Variants in CREB3L3 observed in about 807,000 individuals in gnomAD.
CREB3L3 encodes cyclic AMP-responsive element-binding protein 3-like protein 3.
A neutral mutation model predicts 44.6 loss-of-function variants in CREB3L3; 40 were observed. The observed-to-expected ratio is 0.90, with a 90% CI of 0.70 to 1.17. The LOEUF (loss-of-function observed/expected upper bound fraction) is 1.17, where lower values mean the gene tolerates loss of function less well. Among genes scored for constraint, CREB3L3 ranks in the 50% most tolerant of loss-of-function variants. The pLI, the probability that CREB3L3 is intolerant of heterozygous loss-of-function variation, is 0.00. For synonymous variants in CREB3L3, 273 were observed against 256.3 expected (o/e 1.06, Z -0.62); for missense variants, 578 against 595.8 (o/e 0.97, Z 0.31).
intron 5 of CREB3L3, among the ~76,000 whole-genome samples, chr19:4,167,441 G>A (rs866124101): frequency 2.7e-5 from 3 of 109,900 alleles, no homozygotes; most frequent in Admixed American, 9.9e-5. Flanking sequence ...AGAAAGGAAA[G>A]AAAGAAAGGA....
chr19:4,169,509 G>A (rs1966995536), intron 6 of CREB3L3, among the ~76,000 whole-genome samples: 1 of 150,682 alleles, frequency 6.6e-6, no homozygotes, highest in Admixed American at 6.6e-5. Flanking sequence ...AAAGAAACTT[G>A]AGTCTCCCAG....
Position 4,171,558 on chromosome 19 carries a change from A to G in CREB3L3, c.1072+79A>G. The G allele has an allele frequency of 6.3e-7, 1 of 1,594,064 alleles. No individual in the cohort carries two copies. The highest frequency in any genetic ancestry group is 1.1e-5 in the South Asian group (1 of 90,618). ...TGGGCCTCTGGGGGAGGGGGAGAAGACCCCTGTGCCCTTGTTCCCTGAGGC... is the reference window on the plus strand; with the variant it reads ...TGGGCCTCTGGGGGAGGGGGAGAAGGCCCCTGTGCCCTTGTTCCCTGAGGC... On this transcript the variant is annotated intron_variant, in intron 9 of 9. Coordinates refer to ENST00000078445, the MANE Select transcript of CREB3L3 (RefSeq NM_032607.3). The surrounding 1 kb of genome is among the most constrained non-coding windows in gnomAD (Gnocchi z 4.9).
intron 6 of CREB3L3, 140 bp from the exon 7 acceptor site, chr19:4,170,000 C>T: frequency 3.7e-6 from 3 of 813,072 alleles, no homozygotes; most frequent in East Asian, 5.1e-5. Flanking sequence ...TCTGACCTGC[C>T]GAGTAACCTT....
At chr19:4,166,241 A>G (rs1966902436) in intron 5 of CREB3L3, among the ~76,000 whole-genome samples, 1 of 151,140 alleles carries the variant, frequency 6.6e-6, no homozygotes, top group South Asian at 2.1e-4. Flanking sequence ...GGTGTATGCC[A>G]TTATGCCTAG....
rs140601919 is a variant in CREB3L3 at position 4,171,780 on chromosome 19, C to G, written c.1197C>G (p.Pro399=). ...DTTREESPGS[P]GADWGFQDTA... ...CCCGAGAAGAGTCTCCAGGAAGCCC[C>G]GGGGCAGACTGGGGCTTCCAGGACA... The change falls in exon 10 of 10, where the codon CCC becomes CCG. Residue 399 remains proline (P), a synonymous_variant. Coordinates refer to ENST00000078445, the MANE Select transcript of CREB3L3 (RefSeq NM_032607.3). This position sits in a 1 kb window ranked among gnomAD's most constrained non-coding sequence, Gnocchi z 4.9. 1.2e-6 allele frequency: 2 copies of G among 1,613,472 alleles called. No homozygotes were observed. The highest frequency in any genetic ancestry group is 2.2e-5 in the South Asian group (2 of 91,082).
Position 4,171,724 on chromosome 19 carries a change from G to T in CREB3L3, c.1141G>T (p.Ala381Ser), listed in dbSNP as rs1254900585. Residue 381 changes from alanine to serine, a missense_variant, in exon 10 of 10, where the codon GCC becomes TCC. Physicochemically the swap from Ala to Ser is moderately conservative, Grantham distance 99. Coordinates refer to ENST00000078445, the MANE Select transcript of CREB3L3 (RefSeq NM_032607.3). The surrounding 1 kb of genome is among the most constrained non-coding windows in gnomAD (Gnocchi z 4.9). ...VAADAVPGSE[A>S]PGPRPEADTT... ...TGCTGATGCTGTGCCAGGCTCCGAGGCCCCAGGACCCCGACCCGAGGCTGA... is the reference window on the plus strand; with the variant it reads ...TGCTGATGCTGTGCCAGGCTCCGAGTCCCCAGGACCCCGACCCGAGGCTGA... 2 of 1,613,270 alleles carry T rather than the reference G, an allele frequency of 1.2e-6. No individual in the cohort carries two copies. Among genetic ancestry groups the T allele is most frequent in the East Asian group, 2.2e-5 (1 of 44,874 alleles).
At chr19:4,166,646 T>C (rs1291058817) in intron 5 of CREB3L3, among the ~76,000 whole-genome samples, 1 of 151,810 alleles carries the variant, frequency 6.6e-6, no homozygotes, top group East Asian at 1.9e-4. Context: ...TCCTCTGACC[T>C]TGGCCTCCCA....
chr19:4,170,629 G>A (rs1450368463), intron 7 of CREB3L3, among the ~76,000 whole-genome samples: 1 of 149,628 alleles, frequency 6.7e-6, no homozygotes, highest in Non-Finnish European at 1.5e-5. Flanking sequence ...AATAAATAAG[G>A]CCTGGTGTGG....
At position 4,168,378 on chromosome 19, in the gene CREB3L3, C is replaced by T. The variant is rs534584711; in HGVS notation, c.742C>T (p.Arg248Cys). ...CGAGGAGCGAGTGCTGAAAAAAATC[C>T]GCCGGAAAATCCGGAACAAGCAGTC... is the stretch of plus-strand genomic sequence containing the variant. Reference protein sequence around the residue: ...KYEERVLKKIRRKIRNKQSAQ... With the variant: ...KYEERVLKKICRKIRNKQSAQ... Residue 248 changes from arginine to cysteine, a missense_variant, in exon 6 of 10, where the codon CGC (arginine) becomes TGC (cysteine). Arg to Cys is a radical substitution (Grantham distance 180, BLOSUM62 -3). Coordinates refer to ENST00000078445, the MANE Select transcript of CREB3L3 (RefSeq NM_032607.3). 51 of 1,610,932 alleles carry T rather than the reference C, an allele frequency of 3.2e-5. No homozygotes were observed. Among genetic ancestry groups the T allele is most frequent in the Admixed American group, 1.8e-4 (11 of 59,856 alleles).
intron 5 of CREB3L3, among the ~76,000 whole-genome samples, chr19:4,167,016 G>A (rs1169034588): frequency 6.6e-6 from 1 of 152,104 alleles, no homozygotes; most frequent in Admixed American, 6.6e-5. Flanking sequence ...ACAGCACTGT[G>A]AACCACCGCG....
intron 6 of CREB3L3, among the ~76,000 whole-genome samples, 187 bp from the exon 7 acceptor site, chr19:4,169,945 TGGGACCTA>T (rs998054002): frequency 2.0e-5 from 3 of 152,066 alleles, no homozygotes; most frequent in Admixed American, 2.0e-4. Flanking sequence ...AATGCAGAAA[TGGGACCTA>T]GGAACCAGGC....
chr19:4,167,457 A>AG (rs779098169), intron 5 of CREB3L3, among the ~76,000 whole-genome samples: 5 of 113,924 alleles, frequency 4.4e-5, no homozygotes, highest in Admixed American at 1.0e-4. Flanking sequence ...AAGGAAGAAA[A>AG]GAAGGAAAGA....
At chr19:4,163,164 C>T (rs1460480888) in intron 4 of CREB3L3, among the ~76,000 whole-genome samples, 6 of 151,226 alleles carry the variant, frequency 4.0e-5, no homozygotes, top group South Asian at 2.1e-4. Context: ...AAAAATTAGC[C>T]GGGCGTGGTG....
intron 2 of CREB3L3, 64 bp downstream of exon 2, chr19:4,155,091 C>T (rs1003045482): frequency 4.4e-6 from 7 of 1,592,440 alleles, no homozygotes; most frequent in South Asian, 3.3e-5. Context: ...TGAGGCCCCA[C>T]GAAGGTGCTA....
chr19:4,169,373 G>A (rs1396774005), intron 6 of CREB3L3, among the ~76,000 whole-genome samples: 1 of 151,746 alleles, frequency 6.6e-6, no homozygotes. Flanking sequence ...CCAGCTACTC[G>A]GGAGGCTGAG....
At chr19:4,158,564 G>T (rs896687119) in intron 3 of CREB3L3, among the ~76,000 whole-genome samples, 4 of 151,952 alleles carry the variant, frequency 2.6e-5, no homozygotes, top group Non-Finnish European at 5.9e-5. Flanking sequence ...CACTTTGGGA[G>T]GCCGAAGCGA....
chr19:4,161,517 GTC>G (rs1379698521), intron 4 of CREB3L3, among the ~76,000 whole-genome samples: 1 of 152,176 alleles, frequency 6.6e-6, no homozygotes, highest in Non-Finnish European at 1.5e-5. Context: ...CCCTGGGATG[GTC>G]TATTGAGCTT....
chr19:4,167,409 GGAAAAGAAA>G (rs1268312178), intron 5 of CREB3L3, among the ~76,000 whole-genome samples: 7 of 120,834 alleles, frequency 5.8e-5, no homozygotes, highest in Admixed American at 2.7e-4. Context: ...AAGAAAGAAA[GGAAAAGAAA>G]GAAAAGAAAG....
chr19:4,168,151 A>G (rs564373278), intron 5 of CREB3L3, among the ~76,000 whole-genome samples, 200 bp from the exon 6 acceptor site: 2 of 151,770 alleles, frequency 1.3e-5, no homozygotes, highest in East Asian at 3.9e-4. Context: ...GGCACCCGCC[A>G]CCATGCCTGG....
Sources: allele counts gnomAD v4.1 joint callset (sites outside exome capture counted in the v4.1 genomes callset), GRCh38; gene constraint gnomAD v4.1.1; non-coding constraint Gnocchi (gnomAD v3.1); transcripts MANE v1.5; gene names NCBI Gene and HGNC (gene_info 2026-07-23, HGNC 2026-07-21).